Variants in TAFA1 observed in about 807,000 individuals in gnomAD.
The protein encoded by TAFA1 is chemokine-like protein TAFA-1.
TAFA1 carries 4 observed loss-of-function variants against 18.5 expected under a neutral mutation model. The ratio of observed to expected loss-of-function variants is 0.22; its 90% CI spans 0.11 to 0.49. TAFA1 has a LOEUF of 0.49. Ranked by LOEUF, TAFA1 falls within the 20% of genes least tolerant of loss-of-function variation. The pLI, the probability that TAFA1 is intolerant of heterozygous loss-of-function variation, is 0.98. For synonymous variants in TAFA1, 56 were observed against 55.2 expected (o/e 1.01, Z -0.06); for missense variants, 147 against 169.0 (o/e 0.87, Z 0.72).
At chr3:68,091,102 A>G (rs2065024941) in intron 2 of TAFA1, among the ~76,000 whole-genome samples, 1 of 152,212 alleles carries the variant, frequency 6.6e-6, no homozygotes, top group Non-Finnish European at 1.5e-5. Flanking sequence ...AATCAGCTGG[A>G]CAATCTTAGC....
At chr3:68,085,312 C>G (rs963657697) in intron 2 of TAFA1, among the ~76,000 whole-genome samples, 1 of 152,126 alleles carries the variant, frequency 6.6e-6, no homozygotes, top group Non-Finnish European at 1.5e-5. Flanking sequence ...TTATCAAGGC[C>G]TTAATTGTGA....
chr3:68,069,126 G>C (rs1386513138), intron 2 of TAFA1, among the ~76,000 whole-genome samples: 1 of 152,168 alleles, frequency 6.6e-6, no homozygotes, highest in Non-Finnish European at 1.5e-5. Context: ...ATAATGGTTT[G>C]TATGCACCAT....
At chr3:68,370,602 A>G (rs1183661303) in intron 2 of TAFA1, among the ~76,000 whole-genome samples, 3 of 144,248 alleles carry the variant, frequency 2.1e-5, no homozygotes, top group Middle Eastern at 3.4e-3. Context: ...ATTGTTAACT[A>G]TTTAAGAAAT....
In TAFA1 at chr3:68,279,399, T is replaced by C. The variant is rs917478007; in HGVS notation, c.119-137881T>C. Among the ~76,000 whole-genome samples, 11 of 152,236 alleles carry C rather than the reference T, an allele frequency of 7.2e-5. No individual in the cohort carries two copies. The South Asian group carries it at 2.1e-3, about 29-fold the overall frequency. ...ACAGGTGTTCATTCTTGGATTCATCTGATCCCTCACCTAATTATTAATCTT... is the reference window on the plus strand; with the variant it reads ...ACAGGTGTTCATTCTTGGATTCATCCGATCCCTCACCTAATTATTAATCTT... On this transcript the variant is annotated intron_variant, in intron 2 of 4. Coordinates refer to ENST00000478136, the MANE Select transcript of TAFA1 (RefSeq NM_213609.4).
intron 2 of TAFA1, among the ~76,000 whole-genome samples, chr3:68,381,673 G>A (rs1170302638): frequency 6.6e-6 from 1 of 152,320 alleles, no homozygotes; most frequent in East Asian, 1.9e-4. Flanking sequence ...ATTTTGGGCT[G>A]AGAAGATGGG....
intron 2 of TAFA1, among the ~76,000 whole-genome samples, chr3:68,385,644 G>T (rs1032443475): frequency 6.6e-6 from 1 of 152,016 alleles, no homozygotes; most frequent in African/African-American, 2.4e-5. Flanking sequence ...GCTATGACTA[G>T]ATTTATTCAT....
At chr3:68,310,270 G>T (rs747398482) in intron 2 of TAFA1, among the ~76,000 whole-genome samples, 3 of 152,060 alleles carry the variant, frequency 2.0e-5, no homozygotes, top group Non-Finnish European at 2.9e-5. Context: ...ATCTTAAGTA[G>T]TTTTTGTTTA....
chr3:68,096,034 G>A (rs2065083352), intron 2 of TAFA1, among the ~76,000 whole-genome samples: 1 of 151,878 alleles, frequency 6.6e-6, no homozygotes, highest in Non-Finnish European at 1.5e-5. Flanking sequence ...AACTGTGTTT[G>A]TACCCATTAA....
chr3:68,173,528 A>C (rs2066085040), intron 2 of TAFA1, among the ~76,000 whole-genome samples: 2 of 152,194 alleles, frequency 1.3e-5, no homozygotes, highest in South Asian at 4.1e-4. Flanking sequence ...CTAGATTTTA[A>C]ATATGTAAGG....
rs140202039 is a variant in TAFA1 at position 68,523,431 on chromosome 3, G to A, written c.260-15325G>A. ...AACTTTTGACCTTTGTGTTAAATAAGTGTTTTGTAATTTCTTAGGATCAAT... is the reference window on the plus strand; with the variant it reads ...AACTTTTGACCTTTGTGTTAAATAAATGTTTTGTAATTTCTTAGGATCAAT... On this transcript the variant is annotated intron_variant, in intron 3 of 4. Transcript: ENST00000478136. Among the ~76,000 whole-genome samples, 958 of 152,292 alleles carry A rather than the reference G, an allele frequency of 6.3e-3. 12 individuals are homozygous for A. Among genetic ancestry groups the A allele is most frequent in the African/African-American group, 0.021 (886 of 41,566 alleles).
At chr3:68,102,056 C>T (rs969793786) in intron 2 of TAFA1, among the ~76,000 whole-genome samples, 1 of 152,056 alleles carries the variant, frequency 6.6e-6, no homozygotes, top group Non-Finnish European at 1.5e-5. Context: ...GATTTTGTTT[C>T]ATTTTTTACA....
intron 2 of TAFA1, among the ~76,000 whole-genome samples, chr3:68,007,836 T>C (rs1462763221): frequency 6.6e-6 from 1 of 152,188 alleles, no homozygotes; most frequent in Non-Finnish European, 1.5e-5. Context: ...TGGACACCGA[T>C]ACTAGGCTCT....
intron 2 of TAFA1, among the ~76,000 whole-genome samples, chr3:68,094,243 G>GATGGA (rs2065060873): frequency 6.6e-6 from 1 of 152,050 alleles, no homozygotes. Flanking sequence ...TCCAACTTTG[G>GATGGA]TGGGTTTGTG....
intron 2 of TAFA1, among the ~76,000 whole-genome samples, chr3:68,117,227 G>A (rs1276640142): frequency 2.0e-5 from 3 of 152,102 alleles, no homozygotes; most frequent in Non-Finnish European, 4.4e-5. Context: ...GCCAGTCTGG[G>A]GTTTTGGTTA....
At chr3:68,053,499 C>T (rs1394098265) in intron 2 of TAFA1, among the ~76,000 whole-genome samples, 1 of 152,032 alleles carries the variant, frequency 6.6e-6, no homozygotes, top group Non-Finnish European at 1.5e-5. Context: ...TTACATTTCT[C>T]CTCCAAAACC....
chr3:68,298,849 A>G (rs1844886), intron 2 of TAFA1, among the ~76,000 whole-genome samples: 9,646 of 152,228 alleles, frequency 0.063, 476 homozygotes, highest in African/African-American at 0.13. Context: ...CCAGTCTCAG[A>G]TATTTCTTAT....
chr3:68,281,466 C>T (rs1461219157), intron 2 of TAFA1, among the ~76,000 whole-genome samples: 3 of 137,754 alleles, frequency 2.2e-5, no homozygotes, highest in Admixed American at 7.6e-5. Context: ...TCCACATTAA[C>T]CTTTTTTTTT....
chr3:68,212,925 G>A (rs1306048470), intron 2 of TAFA1, among the ~76,000 whole-genome samples: 1 of 151,908 alleles, frequency 6.6e-6, no homozygotes. Context: ...CCCAGCCAAA[G>A]GAGGAAAAGT....
chr3:68,242,431 A>G (rs2067011319), intron 2 of TAFA1, among the ~76,000 whole-genome samples: 1 of 152,162 alleles, frequency 6.6e-6, no homozygotes, highest in Non-Finnish European at 1.5e-5. Flanking sequence ...AACCATGCCA[A>G]CTGGTTACAA....
Sources: allele counts gnomAD v4.1 joint callset (sites outside exome capture counted in the v4.1 genomes callset), GRCh38; gene constraint gnomAD v4.1.1; transcripts MANE v1.5; gene names NCBI Gene and HGNC (gene_info 2026-07-23, HGNC 2026-07-21).